SEMA5B: variants seen among roughly 807,000 people sequenced by gnomAD.
SEMA5B encodes semaphorin-5B.
In SEMA5B, 66 loss-of-function variants were observed where a neutral mutation model predicts 135.0. That is an observed-to-expected ratio of 0.49 (90% CI 0.40 to 0.60). SEMA5B has a LOEUF of 0.60. SEMA5B is among the 20% of genes least tolerant of loss of function. The probability of loss-of-function intolerance (pLI) is 0.00; values close to 1 mark genes in which losing one functional copy is unlikely to be tolerated. For synonymous variants in SEMA5B, 690 were observed against 639.5 expected, an observed-to-expected ratio of 1.08 and a Z score of -1.19; for missense variants, 1,501 against 1,566.3, an observed-to-expected ratio of 0.96 and a Z score of 0.70.
chr3:123,020,799 C>T (rs754386914), intron 1 of SEMA5B, among the ~76,000 whole-genome samples: 38 of 152,118 alleles, frequency 2.5e-4, no homozygotes, highest in Admixed American at 6.6e-4. Flanking sequence ...TTTACGGAAG[C>T]CAGTGAATTA....
intron 1 of SEMA5B, among the ~76,000 whole-genome samples, chr3:122,973,593 T>C (rs1560392358): frequency 2.0e-5 from 3 of 152,262 alleles, no homozygotes; most frequent in Non-Finnish European, 2.9e-5. Flanking sequence ...TTGTTCCTTT[T>C]GGTTTATGTT....
At chr3:123,021,256 C>T (rs1396182914) in intron 1 of SEMA5B, among the ~76,000 whole-genome samples, 1 of 152,198 alleles carries the variant, frequency 6.6e-6, no homozygotes, top group African/African-American at 2.4e-5. Context: ...GGCAGAAATA[C>T]ACACCAACCA....
intron 12 of SEMA5B, 110 bp downstream of exon 12, chr3:122,921,805 C>T: frequency 7.3e-6 from 6 of 818,948 alleles, no homozygotes; most frequent in Non-Finnish European, 1.1e-5. Context: ...TCCTAAGGCA[C>T]ACTAGTGGAG....
At chr3:122,939,322 C>T in intron 5 of SEMA5B, 103 bp downstream of exon 5, 2 of 934,770 alleles carry the variant, frequency 2.1e-6, no homozygotes, top group South Asian at 2.7e-5. Flanking sequence ...CTCCTGTTTT[C>T]AACTTTAGGG....
intron 1 of SEMA5B, among the ~76,000 whole-genome samples, chr3:122,970,347 T>TTCTC (rs1941055512): frequency 2.0e-5 from 3 of 152,240 alleles, no homozygotes; most frequent in African/African-American, 7.2e-5. Flanking sequence ...CTAATGTGCA[T>TTCTC]CAGAATTGCC....
chr3:123,013,949 G>T (rs892807447), intron 1 of SEMA5B, among the ~76,000 whole-genome samples: 1 of 152,224 alleles, frequency 6.6e-6, no homozygotes, highest in African/African-American at 2.4e-5. Flanking sequence ...CCATTCCACA[G>T]GAAGGAAACG....
intron 12 of SEMA5B, 69 bp downstream of exon 12, chr3:122,921,846 T>G: frequency 7.3e-7 from 1 of 1,367,052 alleles, no homozygotes; most frequent in Non-Finnish European, 9.8e-7. Flanking sequence ...GTCTCCCGGG[T>G]CCAAAGCCCC....
intron 1 of SEMA5B, among the ~76,000 whole-genome samples, chr3:122,982,141 C>T (rs1391306972): frequency 1.3e-5 from 2 of 152,226 alleles, no homozygotes; most frequent in Non-Finnish European, 2.9e-5. Flanking sequence ...AGTCTCTTGA[C>T]TTCTCATGTC....
chr3:123,011,260 C>A (rs1226575451), intron 1 of SEMA5B, among the ~76,000 whole-genome samples: 1 of 152,234 alleles, frequency 6.6e-6, no homozygotes, highest in African/African-American at 2.4e-5. Context: ...GAAGGAACAG[C>A]TCTTGGGATG....
At chr3:122,958,043 C>T (rs1448890943) in intron 2 of SEMA5B, among the ~76,000 whole-genome samples, 1 of 152,252 alleles carries the variant, frequency 6.6e-6, no homozygotes, top group Non-Finnish European at 1.5e-5. Flanking sequence ...TTTCCCAGGT[C>T]CTGAATGGCT....
intron 2 of SEMA5B, among the ~76,000 whole-genome samples, chr3:122,952,844 TCAA>T (rs1367480107): frequency 4.6e-5 from 7 of 152,154 alleles, no homozygotes; most frequent in Admixed American, 3.3e-4. Context: ...GCTGCATCCC[TCAA>T]CAGACCAGAG....
At chr3:122,932,693 C>T (rs1939040252) in intron 5 of SEMA5B, among the ~76,000 whole-genome samples, 1 of 152,104 alleles carries the variant, frequency 6.6e-6, no homozygotes, top group African/African-American at 2.4e-5. Context: ...TGGCATTAGG[C>T]TAGTTTCCCA....
chr3:123,006,229 G>A (rs765353130), intron 1 of SEMA5B, among the ~76,000 whole-genome samples: 10 of 152,172 alleles, frequency 6.6e-5, no homozygotes, highest in Non-Finnish European at 1.2e-4. Context: ...GCTGCTGGGT[G>A]GTACATGAAC....
rs752827338 is a variant in SEMA5B, at chr3:122,922,023, G to T, written c.1580C>A (p.Pro527His). ...GTGCAGGATGCGCAGGCTGCGCAGG[G>T]GCTCGCGGCGCCCGGGGGGCAGCAC... ...LHVLPPGRRE[P>H]LRSLRILHSA... Residue 527 changes from proline to histidine, a missense_variant, in exon 12 of 23, where the codon CCC (proline) becomes CAC (histidine). Physicochemically the swap from Pro to His is moderately conservative, Grantham distance 77. This residue lies in a region of SEMA5B where 927 missense variants were observed against 881.6 expected (regional missense o/e 1.05). Transcript: ENST00000357599. The T allele has an allele frequency of 8.0e-6, 12 of 1,506,644 alleles. No individual in the cohort carries two copies. Among genetic ancestry groups the T allele is most frequent in the Non-Finnish European group, 9.7e-6 (11 of 1,130,838 alleles). The allele number at this position is 1,506,644 out of a possible 1,614,324, so 93.3% of individuals were successfully genotyped here.
chr3:122,952,244 C>T (rs1426865853), intron 2 of SEMA5B, among the ~76,000 whole-genome samples: 1 of 152,204 alleles, frequency 6.6e-6, no homozygotes, highest in African/African-American at 2.4e-5. Flanking sequence ...ATCCTCAGTG[C>T]TAGCCTGGGT....
chr3:122,988,507 G>A (rs1941767986), intron 1 of SEMA5B, among the ~76,000 whole-genome samples: 3 of 152,272 alleles, frequency 2.0e-5, no homozygotes, highest in Admixed American at 2.0e-4. Context: ...CAGGCAGACA[G>A]CAGCAGGAGG....
chr3:122,958,501 G>T (rs973549849), intron 2 of SEMA5B, among the ~76,000 whole-genome samples: 3 of 152,204 alleles, frequency 2.0e-5, no homozygotes, highest in African/African-American at 7.2e-5. Flanking sequence ...GGGCTTCTCC[G>T]TGGGGGTGGT....
chr3:122,975,851 A>G, intron 1 of SEMA5B: 1 of 1,074,256 alleles, frequency 9.3e-7, no homozygotes, highest in Non-Finnish European at 1.3e-6. Flanking sequence ...CCCACTGCCT[A>G]CACAACCAAA....
rs1009371438 is a variant in SEMA5B, at chr3:122,964,995, G to A, written c.-38-3694C>T. 4.6e-5 allele frequency among the ~76,000 whole-genome samples: 7 copies of A among 152,242 alleles called. No individual in the cohort carries two copies. The East Asian group carries it at 1.3e-3, about 29-fold the overall frequency. On this transcript the variant is annotated intron_variant, in intron 1 of 22. Coordinates refer to ENST00000357599, the MANE Select transcript of SEMA5B (RefSeq NM_001031702.4). ...CCTGGCTGAGTCAGGGAGGGAGGGT[G>A]AGGAGGCTGGTGTTTGATTCCATGT... is the stretch of plus-strand genomic sequence containing the variant.
Sources: gnomAD v4.1 joint callset for allele counts (sites outside exome capture counted in the v4.1 genomes callset) on GRCh38, gnomAD v4.1.1 for gene constraint, gnomAD v4.1.1 regional missense constraint, MANE v1.5 for transcripts, NCBI Gene and HGNC (gene_info 2026-07-23, HGNC 2026-07-21) for gene names.